The following RIN2 variants were observed in gnomAD, a reference collection of about 807,000 sequenced individuals.
The protein encoded by RIN2 is Ras and Rab interactor 2.
RIN2 carries 36 observed loss-of-function variants against 78.0 expected under a neutral mutation model. The observed-to-expected ratio is 0.46, with a 90% CI of 0.35 to 0.61. The LOEUF (loss-of-function observed/expected upper bound fraction) is 0.61. Ranked by LOEUF, RIN2 falls within the 20% of genes least tolerant of loss-of-function variation. The pLI, the probability that RIN2 is intolerant of heterozygous loss-of-function variation, is 0.00. For synonymous variants in RIN2, 466 were observed against 466.8 expected, an observed-to-expected ratio of 1.00 and a Z score of 0.02; for missense variants, 1,087 against 1,159.7, an observed-to-expected ratio of 0.94 and a Z score of 0.91.
At chr20:19,820,447 C>T (rs2035893380) in intron 2 of RIN2, among the ~76,000 whole-genome samples, 1 of 152,176 alleles carries the variant, frequency 6.6e-6, no homozygotes, top group South Asian at 2.1e-4. Context: ...CCTCAAAACA[C>T]AGACAAAAAA....
At chr20:19,829,022 G>T (rs1011690928) in intron 2 of RIN2, among the ~76,000 whole-genome samples, 5 of 152,154 alleles carry the variant, frequency 3.3e-5, no homozygotes, top group African/African-American at 1.2e-4. Context: ...TCAAATTTGT[G>T]CCTCAGCAAA....
intron 2 of RIN2, chr20:19,889,298 T>G: frequency 8.7e-7 from 1 of 1,147,198 alleles, no homozygotes; most frequent in African/African-American, 1.6e-5. Context: ...ACACACAAAG[T>G]AATCATTAGG....
intron 3 of RIN2, among the ~76,000 whole-genome samples, chr20:19,891,878 T>G (rs1413676503): frequency 6.6e-6 from 1 of 152,240 alleles, no homozygotes; most frequent in Non-Finnish European, 1.5e-5. Flanking sequence ...CTTTGAACAT[T>G]TCTTAGGAAG....
At chr20:19,769,613 C>A (rs901349818) in intron 1 of RIN2, among the ~76,000 whole-genome samples, 1 of 152,150 alleles carries the variant, frequency 6.6e-6, no homozygotes, top group Admixed American at 6.5e-5. Flanking sequence ...AGATGAAGCA[C>A]GTTGTTGTTA....
chr20:19,954,178 A>G (rs780897544), intron 4 of RIN2, among the ~76,000 whole-genome samples: 37 of 152,302 alleles, frequency 2.4e-4, no homozygotes, highest in Non-Finnish European at 4.9e-4. Context: ...CCCACCTCTT[A>G]GGAGTAGAGT....
chr20:19,866,081 C>T (rs1481338836), intron 2 of RIN2, among the ~76,000 whole-genome samples: 1 of 151,830 alleles, frequency 6.6e-6, no homozygotes, highest in Non-Finnish European at 1.5e-5. Context: ...TCAGTGGGTG[C>T]CCTGAGCTTG....
At chr20:19,818,680 C>T (rs563362432) in intron 2 of RIN2, among the ~76,000 whole-genome samples, 37 of 148,038 alleles carry the variant, frequency 2.5e-4, no homozygotes, top group Non-Finnish European at 2.1e-4. Context: ...TGCAGTAAGC[C>T]GAGATGGCTC....
chr20:19,854,664 T>C (rs941063290), intron 2 of RIN2, among the ~76,000 whole-genome samples: 1 of 152,236 alleles, frequency 6.6e-6, no homozygotes, highest in Non-Finnish European at 1.5e-5. Context: ...AGTTCACTCA[T>C]GATTTGGCTC....
chr20:19,922,597 C>A (rs1210346865), intron 3 of RIN2, among the ~76,000 whole-genome samples: 2 of 152,190 alleles, frequency 1.3e-5, no homozygotes, highest in African/African-American at 4.8e-5. Context: ...GAGGAGGTAG[C>A]ACCACTCAGT....
Position 19,820,945 on chromosome 20 carries a change from T to TA in RIN2, c.-37+21199dup, listed in dbSNP as rs1451796725. On this transcript the variant is annotated intron_variant, in intron 2 of 12. Coordinates refer to ENST00000255006, the MANE Select transcript of RIN2 (RefSeq NM_018993.4). ...CCAAGGGTTTCACATATTTAGTAAA[T>TA]ATGTGAAATTACTGAATATGCTGCA... is the stretch of plus-strand genomic sequence containing the variant. Among the ~76,000 whole-genome samples the TA allele has an allele frequency of 5.3e-5, 8 of 152,096 alleles. No homozygotes were observed. The East Asian group carries it at 9.6e-4, about 18-fold the overall frequency.
chr20:19,981,919 G>T (rs79985196), intron 9 of RIN2, among the ~76,000 whole-genome samples: 2 of 152,192 alleles, frequency 1.3e-5, no homozygotes, highest in Admixed American at 1.3e-4. Context: ...TGATTTCATC[G>T]CTAGAGTTAC....
At chr20:19,924,150 T>C (rs938183820) in intron 3 of RIN2, among the ~76,000 whole-genome samples, 6 of 53,228 alleles carry the variant, frequency 1.1e-4, no homozygotes, top group Non-Finnish European at 1.3e-4. Flanking sequence ...CTTCATACCC[T>C]ACCTCTTTAT....
At chr20:19,783,039 C>T (rs562437428) in intron 1 of RIN2, among the ~76,000 whole-genome samples, 28 of 152,280 alleles carry the variant, frequency 1.8e-4, no homozygotes, top group African/African-American at 6.3e-4. Context: ...TTCAAAGCAG[C>T]GGCCGCCTAT....
chr20:19,861,296 C>T (rs2037325148), intron 2 of RIN2, among the ~76,000 whole-genome samples: 1 of 152,178 alleles, frequency 6.6e-6, no homozygotes, highest in Admixed American at 6.5e-5. Flanking sequence ...TTGATTTCTG[C>T]CCAGCTGCAC....
chr20:19,817,972 T>C lies in RIN2; in HGVS notation c.-37+18225T>C, dbSNP rs76912603. Among the ~76,000 whole-genome samples the C allele has an allele frequency of 4.7e-3, 718 of 152,306 alleles. 5 individuals carry two copies. Among genetic ancestry groups the C allele is most frequent in the South Asian group, 0.017 (80 of 4,828 alleles). On this transcript the variant is annotated intron_variant, in intron 2 of 12. Coordinates refer to ENST00000255006, the MANE Select transcript of RIN2 (RefSeq NM_018993.4). ...TAACGATGGGGTACATTCTGAGAAA[T>C]GCATCATTTGGCAATTTTGCCATTG...
Position 19,827,964 on chromosome 20 carries a change from CTGTT to C in RIN2, c.-37+28220_-37+28223del, listed in dbSNP as rs1158306009. Among the ~76,000 whole-genome samples the C allele has an allele frequency of 3.3e-5, 5 of 152,232 alleles. No homozygotes were observed. In the East Asian group the frequency reaches 9.7e-4, roughly 29 times the overall value. ...GCATTATTCACACAGATCCAGCACA[CTGTT>C]TGGGGTACACTTAAGCCTCTAGAGC... On this transcript the variant is annotated intron_variant, in intron 2 of 12. Coordinates refer to ENST00000255006, the MANE Select transcript of RIN2 (RefSeq NM_018993.4).
chr20:19,851,133 G>A (rs1173053899), intron 2 of RIN2, among the ~76,000 whole-genome samples: 1 of 152,144 alleles, frequency 6.6e-6, no homozygotes, highest in Non-Finnish European at 1.5e-5. Flanking sequence ...GGGCGAATTT[G>A]CCTAACCTGC....
intron 2 of RIN2, among the ~76,000 whole-genome samples, chr20:19,829,452 A>G (rs1240044524): frequency 1.3e-5 from 2 of 152,234 alleles, no homozygotes; most frequent in South Asian, 2.1e-4. Context: ...AGAGAGCTCT[A>G]GAGTGAGGAG....
intron 3 of RIN2, among the ~76,000 whole-genome samples, chr20:19,924,041 T>C (rs1368953679): frequency 3.9e-4 from 24 of 61,688 alleles, no homozygotes; most frequent in African/African-American, 1.6e-3. Context: ...ACCCCCACCT[T>C]CCTTACCCCC....
Sources: gnomAD v4.1 joint callset for allele counts (sites outside exome capture counted in the v4.1 genomes callset) on GRCh38, gnomAD v4.1.1 for gene constraint, MANE v1.5 for transcripts, NCBI Gene and HGNC (gene_info 2026-07-23, HGNC 2026-07-21) for gene names.